Variants in RPS6KC1 observed in about 807,000 individuals in gnomAD.
RPS6KC1 encodes the protein inactive ribosomal protein S6 kinase delta-1.
A neutral mutation model predicts 103.8 loss-of-function variants in RPS6KC1; 54 were observed. That is an observed-to-expected ratio of 0.52 (90% CI 0.42 to 0.65). The LOEUF is 0.65. Among genes scored for constraint, RPS6KC1 ranks in the 30% least tolerant of loss-of-function variants. The pLI is 0.00. For synonymous variants in RPS6KC1, 439 were observed against 438.7 expected, an observed-to-expected ratio of 1.00 and a Z score of -0.01; for missense variants, 1,151 against 1,253.8, an observed-to-expected ratio of 0.92 and a Z score of 1.24.
chr1:213,313,907 G>C, the RPS6KC1 span, among the ~76,000 whole-genome samples: 2 of 152,032 alleles, frequency 1.3e-5, no homozygotes, highest in Admixed American at 6.6e-5. Flanking sequence ...GAGCCGAGAT[G>C]GCGCCACTGC....
At chr1:213,793,524 C>A in the RPS6KC1 span, among the ~76,000 whole-genome samples, 3 of 152,222 alleles carry the variant, frequency 2.0e-5, no homozygotes, top group African/African-American at 7.2e-5. Flanking sequence ...TTTCCTTACA[C>A]CTTGGGGCGT....
chr1:213,345,110 T>C, the RPS6KC1 span, among the ~76,000 whole-genome samples: 1 of 152,252 alleles, frequency 6.6e-6, no homozygotes, highest in African/African-American at 2.4e-5. Context: ...GAATAATATT[T>C]GCCTCAACTT....
At chr1:213,543,438 G>A in the RPS6KC1 span, among the ~76,000 whole-genome samples, 1 of 152,186 alleles carries the variant, frequency 6.6e-6, no homozygotes, top group Non-Finnish European at 1.5e-5. Flanking sequence ...CTATGTGGGA[G>A]GGAGAACTCA....
the RPS6KC1 span, among the ~76,000 whole-genome samples, chr1:213,465,915 C>A: frequency 1.0e-3 from 154 of 152,250 alleles, no homozygotes; most frequent in Non-Finnish European, 1.7e-3. Flanking sequence ...TCCCCACTGC[C>A]CATACCGAGG....
chr1:213,216,964 A>G (rs1246847717), intron 8 of RPS6KC1, among the ~76,000 whole-genome samples: 2 of 151,980 alleles, frequency 1.3e-5, no homozygotes, highest in East Asian at 3.9e-4. Context: ...TAAAAGAACT[A>G]GAGAAGCAAG....
chr1:213,162,625 C>G (rs2090587443), intron 6 of RPS6KC1, among the ~76,000 whole-genome samples: 1 of 152,162 alleles, frequency 6.6e-6, no homozygotes, highest in Non-Finnish European at 1.5e-5. Flanking sequence ...TTTGGATTCT[C>G]TCTTTAAAAT....
chr1:213,474,610 A>G, the RPS6KC1 span, among the ~76,000 whole-genome samples: 2 of 152,184 alleles, frequency 1.3e-5, no homozygotes, highest in Admixed American at 6.5e-5. Flanking sequence ...AAACAACATC[A>G]TCTTGGTGAT....
At chr1:213,682,864 G>A in the RPS6KC1 span, among the ~76,000 whole-genome samples, 1 of 152,166 alleles carries the variant, frequency 6.6e-6, no homozygotes, top group Non-Finnish European at 1.5e-5. Flanking sequence ...ATTTTATGTG[G>A]AAATGAAGAT....
chr1:213,309,745 T>C, the RPS6KC1 span, among the ~76,000 whole-genome samples: 12 of 152,244 alleles, frequency 7.9e-5, no homozygotes, highest in Middle Eastern at 6.8e-3. Context: ...AGTGCAATGG[T>C]GAGATCTCGG....
At chr1:213,055,865 T>C (rs1044537536) in intron 1 of RPS6KC1, among the ~76,000 whole-genome samples, 3 of 152,208 alleles carry the variant, frequency 2.0e-5, no homozygotes, top group Admixed American at 6.5e-5. Flanking sequence ...AGCAGTGCTT[T>C]GTAATTCTCA....
chr1:213,681,805 T>A, the RPS6KC1 span, among the ~76,000 whole-genome samples: 2 of 151,780 alleles, frequency 1.3e-5, no homozygotes, highest in East Asian at 1.9e-4. Context: ...CAAAAAAAAA[T>A]AAAAAATTAG....
the RPS6KC1 span, among the ~76,000 whole-genome samples, chr1:213,802,980 C>T: frequency 6.6e-6 from 1 of 152,166 alleles, no homozygotes; most frequent in African/African-American, 2.4e-5. Flanking sequence ...CTAACTTTTA[C>T]TGAGTAACGG....
chr1:213,794,730 A>G, the RPS6KC1 span: 2 of 152,156 alleles, frequency 1.3e-5, no homozygotes, highest in African/African-American at 4.8e-5. Context: ...AAGACGGAGT[A>G]TTATTGTCTT....
At chr1:213,668,569 G>C in the RPS6KC1 span, among the ~76,000 whole-genome samples, 27 of 152,114 alleles carry the variant, frequency 1.8e-4, no homozygotes, top group South Asian at 5.2e-3. Flanking sequence ...TTTTCAGAAC[G>C]ATCAGTGAGC....
At chr1:213,432,944 A>G in the RPS6KC1 span, among the ~76,000 whole-genome samples, 1 of 152,224 alleles carries the variant, frequency 6.6e-6, no homozygotes, top group Non-Finnish European at 1.5e-5. Context: ...GCTGCTATGA[A>G]CATGTATTAA....
the RPS6KC1 span, among the ~76,000 whole-genome samples, chr1:213,705,831 C>G: frequency 6.6e-6 from 1 of 152,192 alleles, no homozygotes; most frequent in African/African-American, 2.4e-5. Context: ...GGGTTCTTCC[C>G]TTCAGTCAGC....
At chr1:213,512,342 C>G in the RPS6KC1 span, among the ~76,000 whole-genome samples, 1 of 152,166 alleles carries the variant, frequency 6.6e-6, no homozygotes, top group South Asian at 2.1e-4. Context: ...GTACGATTGC[C>G]GCCTCCACAC....
the RPS6KC1 span, chr1:213,819,097 C>G: frequency 6.6e-6 from 1 of 152,160 alleles, no homozygotes. Flanking sequence ...ACCTCACAAC[C>G]ACCTGGAAAA....
At chr1:213,689,597 G>A in the RPS6KC1 span, among the ~76,000 whole-genome samples, 1 of 152,202 alleles carries the variant, frequency 6.6e-6, no homozygotes, top group South Asian at 2.1e-4. Flanking sequence ...CCCTCACTGG[G>A]CACATCTAAT....
Sources: gnomAD v4.1 joint callset for allele counts (sites outside exome capture counted in the v4.1 genomes callset) on GRCh38, gnomAD v4.1.1 for gene constraint, MANE v1.5 for transcripts, NCBI Gene and HGNC (gene_info 2026-07-23, HGNC 2026-07-21) for gene names.